The following MYO3B variants were observed in gnomAD, a reference collection of about 807,000 sequenced individuals.
The protein encoded by MYO3B is myosin-IIIb.
A neutral mutation model predicts 174.6 loss-of-function variants in MYO3B; 156 were observed. The ratio of observed to expected loss-of-function variants is 0.89; its 90% CI spans 0.78 to 1.02. The LOEUF (loss-of-function observed/expected upper bound fraction) is 1.02. Among genes scored for constraint, MYO3B ranks in the 50% least tolerant of loss-of-function variants. MYO3B has a pLI of 0.00. For synonymous variants in MYO3B, 563 were observed against 569.1 expected (o/e 0.99, Z 0.15); for missense variants, 1,632 against 1,639.4 (o/e 1.00, Z 0.08).
intron 3 of MYO3B, among the ~76,000 whole-genome samples, chr2:170,203,176 T>C (rs764915296): frequency 3.9e-5 from 6 of 152,314 alleles, no homozygotes; most frequent in East Asian, 1.9e-4. Flanking sequence ...CTAGATGATA[T>C]ACATATTAAT....
At chr2:170,649,114 A>AT (rs1698691946) in intron 32 of MYO3B, among the ~76,000 whole-genome samples, 2 of 71,564 alleles carry the variant, frequency 2.8e-5, no homozygotes, top group East Asian at 3.5e-4. Context: ...TATATAAAAT[A>AT]ATATATAATG....
In MYO3B at chr2:170,498,593, T is replaced by G; in HGVS notation, c.3016T>G (p.Tyr1006Asp). The G allele has an allele frequency of 6.2e-7, 1 of 1,609,092 alleles. No individual in the cohort carries two copies. The highest frequency in any genetic ancestry group is 8.5e-7 in the Non-Finnish European group (1 of 1,175,586). The part of the protein sequence containing the change: ...RILFEEFVKR[Y>D]YYLAFTAHQT... ...TCACTTAATTCTTTTATTTTGCAGGTATTATTACTTGGCATTCACAGCACA... is the reference window on the plus strand; with the variant it reads ...TCACTTAATTCTTTTATTTTGCAGGGATTATTACTTGGCATTCACAGCACA... Residue 1006 changes from tyrosine to aspartate, a missense_variant and splice_region_variant, in exon 26 of 35, where the codon TAT (tyrosine) becomes GAT (aspartate). Transcript: ENST00000408978.
chr2:170,619,649 A>C (rs1249069684), intron 32 of MYO3B, among the ~76,000 whole-genome samples: 1 of 148,816 alleles, frequency 6.7e-6, no homozygotes, highest in Non-Finnish European at 1.5e-5. Context: ...CTTCCCCTGG[A>C]GAGAGTGAGA....
chr2:170,385,116 G>A (rs549927357), intron 12 of MYO3B, among the ~76,000 whole-genome samples: 1 of 152,122 alleles, frequency 6.6e-6, no homozygotes. Context: ...GGGTGTATGG[G>A]GGGAGGAAGG....
At chr2:170,621,573 G>A (rs981496487) in intron 32 of MYO3B, among the ~76,000 whole-genome samples, 6 of 150,510 alleles carry the variant, frequency 4.0e-5, no homozygotes, top group African/African-American at 1.5e-4. Flanking sequence ...GCAGTGGTGT[G>A]ATCTTGGCTC....
intron 32 of MYO3B, among the ~76,000 whole-genome samples, chr2:170,641,739 G>A (rs6705335): frequency 0.098 from 14,849 of 151,600 alleles, 2,110 homozygotes; most frequent in African/African-American, 0.32. Flanking sequence ...ACTTTTCACT[G>A]CTTAACTTAT....
At chr2:170,629,227 G>C (rs1458062318) in intron 32 of MYO3B, among the ~76,000 whole-genome samples, 1 of 152,190 alleles carries the variant, frequency 6.6e-6, no homozygotes, top group African/African-American at 2.4e-5. Flanking sequence ...CCAGAATCTT[G>C]CATTTCTGCT....
intron 32 of MYO3B, among the ~76,000 whole-genome samples, chr2:170,568,391 A>G (rs1156415989): frequency 1.3e-5 from 2 of 152,130 alleles, no homozygotes; most frequent in Non-Finnish European, 2.9e-5. Context: ...GACTGCACTG[A>G]CTCTCTAACA....
In MYO3B at chr2:170,391,548, T is replaced by C. The variant is rs750730546; in HGVS notation, c.1606T>C (p.Tyr536His). The change falls in exon 15 of 35, where the codon TAT (tyrosine) becomes CAT (histidine). Residue 536 changes from tyrosine to histidine, a missense_variant. By Grantham distance (83) the Tyr-to-His change is moderately conservative. Transcript: ENST00000408978. Reference protein sequence around the residue: ...AREKNFHIFYYIYAGLHHQKK... With the variant: ...AREKNFHIFYHIYAGLHHQKK... ...AGAGAAAAATTTTCATATATTTTACTATATTTATGCTGGTCTTCATCACCA... is the reference window on the plus strand; with the variant it reads ...AGAGAAAAATTTTCATATATTTTACCATATTTATGCTGGTCTTCATCACCA... 3.2e-6 allele frequency: 5 copies of C among 1,542,192 alleles called. No homozygotes were observed. The Admixed American group carries it at 1.2e-4, about 36-fold the overall frequency.
At chr2:170,281,600 A>G (rs1415453296) in intron 7 of MYO3B, among the ~76,000 whole-genome samples, 1 of 152,190 alleles carries the variant, frequency 6.6e-6, no homozygotes, top group Non-Finnish European at 1.5e-5. Context: ...AAGGCAGTTA[A>G]GGGAGAAATT....
At chr2:170,201,382 G>A (rs1360229925) in intron 3 of MYO3B, among the ~76,000 whole-genome samples, 2 of 152,344 alleles carry the variant, frequency 1.3e-5, no homozygotes, top group East Asian at 3.9e-4. Context: ...GTGGACACAA[G>A]TGGAAGCCTT....
chr2:170,275,560 T>C (rs1379924243), intron 7 of MYO3B, among the ~76,000 whole-genome samples: 4 of 152,188 alleles, frequency 2.6e-5, no homozygotes, highest in African/African-American at 9.6e-5. Flanking sequence ...TTTTTATTCG[T>C]AGTTATGCTG....
chr2:170,273,170 G>C (rs2093437659), intron 7 of MYO3B, among the ~76,000 whole-genome samples: 1 of 152,144 alleles, frequency 6.6e-6, no homozygotes, highest in East Asian at 1.9e-4. Context: ...AAGGCCAAAA[G>C]GATGCTCTGA....
intron 32 of MYO3B, among the ~76,000 whole-genome samples, chr2:170,650,886 G>A (rs989820344): frequency 6.6e-6 from 1 of 150,852 alleles, no homozygotes; most frequent in African/African-American, 2.4e-5. Context: ...GTTTCACCAT[G>A]TTGGCTAGGC....
intron 32 of MYO3B, among the ~76,000 whole-genome samples, chr2:170,619,159 G>A (rs779972796): frequency 3.9e-5 from 6 of 152,046 alleles, no homozygotes; most frequent in African/African-American, 7.2e-5. Context: ...ATGGACAGGC[G>A]CCCCACCCCC....
rs548632074 is a variant in MYO3B at position 170,200,379 on chromosome 2, T to G, written c.321+95T>G. On this transcript the variant is annotated intron_variant, in intron 3 of 34. Coordinates refer to ENST00000408978, the MANE Select transcript of MYO3B (RefSeq NM_138995.5). ...TAGAGGGTGTTTTAAGGTACACATT[T>G]GAGGAGTAGGTCCCTCCTGCATGTC... 14 of 1,412,702 alleles carry G rather than the reference T, an allele frequency of 9.9e-6. No individual in the cohort carries two copies. In the African/African-American group the frequency reaches 1.4e-4, roughly 14 times the overall value. 87.5% of individuals were successfully genotyped at this position (1,412,702 alleles called of 1,614,324 possible).
In MYO3B at chr2:170,384,276, A is replaced by T. The variant is rs1342852975; in HGVS notation, c.1290+462A>T. On this transcript the variant is annotated intron_variant, in intron 12 of 34. Transcript: ENST00000408978. ...TGCACCACACCATTTAGCTGCTGAA[A>T]AATTGTGATAGATTGGGTAGAGAAT... Among the ~76,000 whole-genome samples, 6 of 152,158 alleles carry T rather than the reference A, an allele frequency of 3.9e-5. No individual in the cohort carries two copies. In the East Asian group the frequency reaches 1.2e-3, roughly 29 times the overall value.
In MYO3B at chr2:170,343,030, AACACACACACACACACACAC is replaced by A. The variant is rs56221872; in HGVS notation, c.815+7609_815+7628del. Among the ~76,000 whole-genome samples the A allele has an allele frequency of 7.3e-3, 999 of 136,014 alleles. 7 individuals carry two copies. The highest frequency in any genetic ancestry group is 0.026 in the African/African-American group (935 of 35,806). 89.2% of individuals were successfully genotyped at this position (136,014 alleles called of 152,430 possible). On this transcript the variant is annotated intron_variant, in intron 8 of 34. Coordinates refer to ENST00000408978, the MANE Select transcript of MYO3B (RefSeq NM_138995.5). Reference sequence around the variant, plus strand: ...ACTTACTTCCACAGTTCGGGCCTCTAACACACACACACACACACACACACACACACACACACACACACACA... The same window carrying A: ...ACTTACTTCCACAGTTCGGGCCTCTAACACACACACACACACACACACACA...
rs1250816396 is a variant in MYO3B, at chr2:170,179,352, AG to A, written c.2+1065del. Among the ~76,000 whole-genome samples, 5 of 152,328 alleles carry A rather than the reference AG, an allele frequency of 3.3e-5. No individual in the cohort carries two copies. The East Asian group carries it at 7.7e-4, about 23-fold the overall frequency. ...AGGCCCTATCTAGCAGCATCCAGAT[AG>A]GTGGTTTGTGAAGAAGCCAGTTCCT... On this transcript the variant is annotated intron_variant, in intron 1 of 34. Coordinates refer to ENST00000408978, the MANE Select transcript of MYO3B (RefSeq NM_138995.5).
Sources: allele counts gnomAD v4.1 joint callset (sites outside exome capture counted in the v4.1 genomes callset), GRCh38; gene constraint gnomAD v4.1.1; transcripts MANE v1.5; gene names NCBI Gene and HGNC (gene_info 2026-07-23, HGNC 2026-07-21).